ITPR1: variants seen among roughly 807,000 people sequenced by gnomAD.
ITPR1 encodes inositol 1,4,5-trisphosphate receptor type 1, also known as inositol 1,4,5-trisphosphate-gated calcium channel ITPR1.
ITPR1 carries 96 observed loss-of-function variants against 318.4 expected under a neutral mutation model. The ratio of observed to expected loss-of-function variants is 0.30; its 90% confidence interval spans 0.26 to 0.36. The LOEUF (loss-of-function observed/expected upper bound fraction) is 0.36. ITPR1 is among the 10% of genes least tolerant of loss of function. The probability of loss-of-function intolerance (pLI) is 1.00; values close to 1 mark genes in which losing one functional copy is unlikely to be tolerated. For missense variants in ITPR1, 2,440 were observed against 3,460.2 expected (o/e 0.71, Z 7.40); for synonymous variants, 1,312 against 1,289.9 (o/e 1.02, Z -0.37).
chr3:4,684,826 A>G (rs562269798), intron 29 of ITPR1, among the ~76,000 whole-genome samples: 1 of 152,266 alleles, frequency 6.6e-6, no homozygotes, highest in South Asian at 2.1e-4. Flanking sequence ...TTTAAGCGAT[A>G]TCTCTGAAAC....
At chr3:4,590,445 C>A (rs2090300994) in intron 4 of ITPR1, among the ~76,000 whole-genome samples, 1 of 151,142 alleles carries the variant, frequency 6.6e-6, no homozygotes, top group Non-Finnish European at 1.5e-5. Flanking sequence ...GCTGAGTTGG[C>A]CCTGGTTGGA....
chr3:4,663,651 C>T (rs1399706342), intron 16 of ITPR1, among the ~76,000 whole-genome samples: 1 of 152,188 alleles, frequency 6.6e-6, no homozygotes, highest in Admixed American at 6.5e-5. Flanking sequence ...AACATTGATA[C>T]ATCATTATCA....
rs183425292 is a variant in ITPR1 at position 4,703,375 on chromosome 3, C to T, written c.4657+425C>T. Among the ~76,000 whole-genome samples the T allele has an allele frequency of 4.8e-4, 73 of 152,318 alleles. 1 individual carries two copies. The highest frequency in any genetic ancestry group is 1.6e-3 in the African/African-American group (68 of 41,572). On this transcript the variant is annotated intron_variant, in intron 36 of 61. Coordinates refer to ENST00000649015, the MANE Select transcript of ITPR1 (RefSeq NM_001378452.1). ...AACACCCTTTCTCAGAAATGGTGCA[C>T]TGCTCCCTTCTTCCCCTTGAGTAGA...
Position 4,788,057 on chromosome 3 carries a change from C to T in ITPR1, c.6726C>T (p.Asp2242=), listed in dbSNP as rs114359276. The T allele has an allele frequency of 1.3e-5, 21 of 1,612,072 alleles. No individual in the cohort carries two copies. The highest frequency in any genetic ancestry group is 6.7e-5 in the African/African-American group (5 of 74,992). ...KLRIYYTTER[D]EQGSKINDFF... The stretch of plus-strand genomic sequence containing the variant: ...GAATTTACTATACTACAGAGAGAGA[C>T]GAACAAGGCAGCAAAATCAATGATT... Residue 2242 remains aspartate, a synonymous_variant, in exon 52 of 62, where the codon GAC becomes GAT. Transcript: ENST00000649015.
chr3:4,781,412 G>A (rs2046829962), intron 49 of ITPR1, among the ~76,000 whole-genome samples: 1 of 152,122 alleles, frequency 6.6e-6, no homozygotes, highest in East Asian at 1.9e-4. Flanking sequence ...ATTGTCCTGG[G>A]CATTGCGGAG....
chr3:4,717,210 C>T lies in ITPR1; in HGVS notation c.5104-157C>T, dbSNP rs1352735089. Reference sequence around the variant, plus strand: ...GAGCAGATGTCACTGTGAGCTCTGGCCGTGTCCTAAGCGCCCAAGCCTCTT... The same window carrying T: ...GAGCAGATGTCACTGTGAGCTCTGGTCGTGTCCTAAGCGCCCAAGCCTCTT... On this transcript the variant is annotated intron_variant, in intron 39 of 61. Transcript: ENST00000649015. Among the ~76,000 whole-genome samples, 7 of 152,214 alleles carry T rather than the reference C, an allele frequency of 4.6e-5. No individual in the cohort carries two copies. The South Asian group carries it at 1.0e-3, about 22-fold the overall frequency.
chr3:4,746,008 A>C (rs2044081081), intron 44 of ITPR1, among the ~76,000 whole-genome samples: 1 of 152,212 alleles, frequency 6.6e-6, no homozygotes, highest in Non-Finnish European at 1.5e-5. Context: ...TGAGCCAGAT[A>C]GTTGGCACTG....
chr3:4,730,340 TA>T (rs1412187109), intron 42 of ITPR1, among the ~76,000 whole-genome samples: 1 of 144,906 alleles, frequency 6.9e-6, no homozygotes, highest in Admixed American at 7.0e-5. Context: ...ACCTTATAAT[TA>T]AAAGCAAAAA....
At chr3:4,720,438 G>A (rs532341079) in intron 40 of ITPR1, among the ~76,000 whole-genome samples, 1 of 152,204 alleles carries the variant, frequency 6.6e-6, no homozygotes, top group African/African-American at 2.4e-5. Context: ...CTAATCAAAC[G>A]GATAGTTCCA....
chr3:4,720,760 T>G (rs1318231543), intron 40 of ITPR1, among the ~76,000 whole-genome samples: 2 of 151,778 alleles, frequency 1.3e-5, no homozygotes, highest in Admixed American at 1.3e-4. Context: ...TTGAGCTGCT[T>G]CTGCCGGCAA....
In ITPR1 at chr3:4,813,252, T is replaced by G. The variant is rs2049056727; in HGVS notation, c.7561+18T>G. The stretch of plus-strand genomic sequence containing the variant: ...CAGAGAAGGTAGGACCTCCTAACTG[T>G]AAGCCCCATGTTAATATCGGACTCC... On this transcript the variant is annotated intron_variant, in intron 57 of 61. Transcript: ENST00000649015. The G allele has an allele frequency of 6.4e-7, 1 of 1,558,316 alleles. No homozygotes were observed. Among genetic ancestry groups the G allele is most frequent in the African/African-American group, 1.4e-5 (1 of 73,468 alleles).
At chr3:4,663,034 A>T in intron 15 of ITPR1, 31 bp from the exon 16 acceptor site, 2 of 1,609,934 alleles carry the variant, frequency 1.2e-6, no homozygotes, top group Non-Finnish European at 1.7e-6. Context: ...CACTGAACAC[A>T]TCTGTCTCTA....
chr3:4,598,578 C>T (rs545279885), intron 4 of ITPR1, among the ~76,000 whole-genome samples: 1 of 152,224 alleles, frequency 6.6e-6, no homozygotes, highest in East Asian at 1.9e-4. Context: ...GCCATGATCA[C>T]ACCACTGCAC....
intron 55 of ITPR1, among the ~76,000 whole-genome samples, chr3:4,809,179 C>A (rs1386938311): frequency 6.6e-6 from 1 of 152,148 alleles, no homozygotes; most frequent in Non-Finnish European, 1.5e-5. Flanking sequence ...GTAAACTGAT[C>A]CTGCCTTTCT....
At chr3:4,657,614 C>A (rs1030619241) in intron 12 of ITPR1, among the ~76,000 whole-genome samples, 1 of 151,754 alleles carries the variant, frequency 6.6e-6, no homozygotes, top group Non-Finnish European at 1.5e-5. Flanking sequence ...ATTACAGGCG[C>A]CTGCCACCAC....
intron 4 of ITPR1, among the ~76,000 whole-genome samples, chr3:4,575,300 G>T (rs2088517531): frequency 6.6e-6 from 1 of 152,160 alleles, no homozygotes; most frequent in Non-Finnish European, 1.5e-5. Flanking sequence ...GTTTAAATGG[G>T]ATTTATCTAT....
intron 22 of ITPR1, 70 bp from the exon 23 acceptor site, chr3:4,674,998 A>C: frequency 1.2e-6 from 1 of 819,576 alleles, no homozygotes; most frequent in Non-Finnish European, 2.0e-6. Flanking sequence ...TAAACTGGTC[A>C]ACATCAAATG....
At chr3:4,549,527 TC>T (rs1396052166) in intron 4 of ITPR1, among the ~76,000 whole-genome samples, 1 of 138,672 alleles carries the variant, frequency 7.2e-6, no homozygotes, top group African/African-American at 2.6e-5. Context: ...CCTTCCTTCC[TC>T]CCTTCCTCCT....
chr3:4,693,108 G>C (rs1174080292), intron 32 of ITPR1, among the ~76,000 whole-genome samples: 2 of 152,136 alleles, frequency 1.3e-5, no homozygotes, highest in African/African-American at 2.4e-5. Flanking sequence ...TGGGCAACAA[G>C]AGTGAAATTC....
Sources: allele counts gnomAD v4.1 joint callset (sites outside exome capture counted in the v4.1 genomes callset), GRCh38; gene constraint gnomAD v4.1.1; transcripts MANE v1.5; gene names NCBI Gene and HGNC (gene_info 2026-07-23, HGNC 2026-07-21).